The following CDH20 variants were observed in gnomAD, a reference collection of about 807,000 sequenced individuals.
The protein encoded by CDH20 is cadherin-20.
A neutral mutation model predicts 74.2 loss-of-function variants in CDH20; 29 were observed. That is an observed-to-expected ratio of 0.39 (90% CI 0.29 to 0.53). The LOEUF is 0.53. Ranked by LOEUF, CDH20 falls within the 20% of genes least tolerant of loss-of-function variation. The probability of loss-of-function intolerance (pLI) is 0.69; values close to 1 mark genes in which losing one functional copy is unlikely to be tolerated. For synonymous variants in CDH20, 469 were observed against 405.4 expected (o/e 1.16, Z -1.88); for missense variants, 988 against 1,048.3 (o/e 0.94, Z 0.79).
chr18:61,553,701 T>C (rs1352118230), intron 11 of CDH20, among the ~76,000 whole-genome samples: 1 of 152,220 alleles, frequency 6.6e-6, no homozygotes, highest in Non-Finnish European at 1.5e-5. Context: ...GATATGATTA[T>C]ATACAGAGTA....
intron 9 of CDH20, among the ~76,000 whole-genome samples, chr18:61,539,456 C>T (rs1568182825): frequency 6.6e-6 from 1 of 152,008 alleles, no homozygotes; most frequent in Non-Finnish European, 1.5e-5. Flanking sequence ...AGTGAAAAAA[C>T]AAAAAACTAT....
intron 1 of CDH20, among the ~76,000 whole-genome samples, chr18:61,468,668 C>A (rs929878509): frequency 6.6e-6 from 1 of 152,124 alleles, no homozygotes; most frequent in African/African-American, 2.4e-5. Flanking sequence ...CCTCATATAT[C>A]GTGTCCAGGG....
chr18:61,490,874 C>T (rs534953362), intron 2 of CDH20, 75 bp downstream of exon 2: 6 of 1,515,570 alleles, frequency 4.0e-6, no homozygotes, highest in Non-Finnish European at 4.5e-6. Context: ...CAAAGTTGAC[C>T]TAGCCTTTAT....
At chr18:61,395,508 C>T (rs1426977697) in intron 1 of CDH20, among the ~76,000 whole-genome samples, 1 of 152,088 alleles carries the variant, frequency 6.6e-6, no homozygotes, top group African/African-American at 2.4e-5. Context: ...GTTCTTTGAT[C>T]TCCTTACCTC....
At chr18:61,422,873 A>G (rs894956521) in intron 1 of CDH20, among the ~76,000 whole-genome samples, 1 of 152,080 alleles carries the variant, frequency 6.6e-6, no homozygotes, top group Non-Finnish European at 1.5e-5. Flanking sequence ...TCTAACATAA[A>G]TTTTATGAAA....
chr18:61,347,300 A>ATG (rs35860081), intron 1 of CDH20, among the ~76,000 whole-genome samples: 1 of 77,440 alleles, frequency 1.3e-5, no homozygotes, highest in African/African-American at 6.0e-5. Context: ...ATATATATAT[A>ATG]TATATATATA....
At chr18:61,380,696 C>G (rs938734396) in intron 1 of CDH20, among the ~76,000 whole-genome samples, 3 of 152,094 alleles carry the variant, frequency 2.0e-5, no homozygotes, top group African/African-American at 7.2e-5. Flanking sequence ...GTAATCCCAG[C>G]TACTTGGGAG....
intron 1 of CDH20, among the ~76,000 whole-genome samples, chr18:61,433,368 GT>G (rs1474487477): frequency 6.6e-6 from 1 of 152,026 alleles, no homozygotes; most frequent in African/African-American, 2.4e-5. Context: ...CATTTTTGGT[GT>G]TTATTTCTTT....
In CDH20 at chr18:61,538,611, TTTGTTTTTGTTTTG is replaced by T. The variant is rs1568182148; in HGVS notation, c.1409-410_1409-397del. 1.5e-4 allele frequency among the ~76,000 whole-genome samples: 6 copies of T among 39,678 alleles called. 1 individual carries two copies. The highest frequency in any genetic ancestry group is 2.9e-3 in the East Asian group (2 of 682). The allele number at this position is 39,678 out of a possible 152,430, so 26.0% of individuals were successfully genotyped here. A position where few individuals can be genotyped will look rare whatever the true frequency, so the allele number is the denominator to read the frequency against. On this transcript the variant is annotated intron_variant, in intron 8 of 11. Transcript: ENST00000262717. Reference sequence around the variant, plus strand: ...TTGTTTGTTTGTTTTTGTTTTTGTTTTTGTTTTTGTTTTGTTTTTTTTTTTGAGACGGAGTCTTA... The same window carrying T: ...TTGTTTGTTTGTTTTTGTTTTTGTTTTTTTTTTTTTTGAGACGGAGTCTTA...
intron 1 of CDH20, among the ~76,000 whole-genome samples, chr18:61,433,721 T>A (rs1188971701): frequency 6.6e-6 from 1 of 152,168 alleles, no homozygotes; most frequent in Non-Finnish European, 1.5e-5. Context: ...GTTTTCTGAA[T>A]TTTACTTGGG....
intron 1 of CDH20, among the ~76,000 whole-genome samples, chr18:61,395,573 A>G (rs1279731889): frequency 6.6e-6 from 1 of 152,162 alleles, no homozygotes; most frequent in Non-Finnish European, 1.5e-5. Context: ...GTCACATTCC[A>G]GCCTTATCAA....
chr18:61,554,527 G>C lies in CDH20; in HGVS notation c.2238G>C (p.Gln746His). 2 of 1,613,076 alleles carry C rather than the reference G, an allele frequency of 1.2e-6. No homozygotes were observed. The highest frequency in any genetic ancestry group is 1.1e-5 in the South Asian group (1 of 90,948). ...GGGCACCGCCCTTCGACTCCCTCCAGACGTATATGTTCGAGGGGGACGGCT... is the reference window on the plus strand; with the variant it reads ...GGGCACCGCCCTTCGACTCCCTCCACACGTATATGTTCGAGGGGGACGGCT... ...DLWAPPFDSLQTYMFEGDGSV... is the reference protein window; with the variant it reads ...DLWAPPFDSLHTYMFEGDGSV... Residue 746 changes from glutamine to histidine, a missense_variant, in exon 12 of 12, where the codon CAG (glutamine) becomes CAC (histidine). Gln to His is a conservative substitution (Grantham distance 24). Transcript: ENST00000262717.
intron 1 of CDH20, among the ~76,000 whole-genome samples, chr18:61,418,306 G>A (rs1336112914): frequency 6.6e-6 from 1 of 152,102 alleles, no homozygotes; most frequent in Non-Finnish European, 1.5e-5. Context: ...TGTAATCCCA[G>A]CACTTTGGGA....
chr18:61,460,297 C>T (rs894614644), intron 1 of CDH20, among the ~76,000 whole-genome samples: 4 of 152,142 alleles, frequency 2.6e-5, no homozygotes, highest in African/African-American at 9.7e-5. Context: ...CAATGATATT[C>T]ACATCTCAGA....
At chr18:61,348,949 T>A (rs1251622488) in intron 1 of CDH20, among the ~76,000 whole-genome samples, 1 of 152,208 alleles carries the variant, frequency 6.6e-6, no homozygotes, top group Non-Finnish European at 1.5e-5. Context: ...CACGAATAGC[T>A]AGATTTTGTT....
Position 61,487,478 on chromosome 18 carries a change from C to T in CDH20, c.-152-2924C>T, listed in dbSNP as rs190119015. Among the ~76,000 whole-genome samples, 4 of 152,264 alleles carry T rather than the reference C, an allele frequency of 2.6e-5. No homozygotes were observed. In the East Asian group the frequency reaches 7.7e-4, roughly 29 times the overall value. On this transcript the variant is annotated intron_variant, in intron 1 of 11. Transcript: ENST00000262717. ...TCCCTAAGGAAGTAGAAATAAAGTGCTTTGCACCAACTGTTGCTATCAAGT... is the reference window on the plus strand; with the variant it reads ...TCCCTAAGGAAGTAGAAATAAAGTGTTTTGCACCAACTGTTGCTATCAAGT...
intron 1 of CDH20, among the ~76,000 whole-genome samples, chr18:61,455,043 C>T (rs941656690): frequency 1.3e-5 from 2 of 152,058 alleles, no homozygotes; most frequent in Admixed American, 1.3e-4. Context: ...TTGGACTCAT[C>T]GATACAATGA....
chr18:61,368,705 A>C (rs1910936809), intron 1 of CDH20, among the ~76,000 whole-genome samples: 1 of 152,070 alleles, frequency 6.6e-6, no homozygotes, highest in African/African-American at 2.4e-5. Context: ...TCAAAGTAAA[A>C]GTACACTATT....
chr18:61,451,559 G>T (rs899808470), intron 1 of CDH20, among the ~76,000 whole-genome samples: 94 of 151,880 alleles, frequency 6.2e-4, no homozygotes, highest in African/African-American at 2.1e-3. Context: ...TAGAAATCAG[G>T]GCCTGATTTA....
Sources: allele counts gnomAD v4.1 joint callset (sites outside exome capture counted in the v4.1 genomes callset), GRCh38; gene constraint gnomAD v4.1.1; transcripts MANE v1.5; gene names NCBI Gene and HGNC (gene_info 2026-07-23, HGNC 2026-07-21).